JAM2: variants seen among roughly 807,000 people sequenced by gnomAD.
JAM2 encodes junctional adhesion molecule 2.
JAM2 carries 17 observed loss-of-function variants against 42.0 expected under a neutral mutation model. The observed-to-expected ratio is 0.40, with a 90% CI of 0.28 to 0.61. The LOEUF is 0.61. JAM2 is among the 20% of genes least tolerant of loss of function. JAM2 has a pLI of 0.37. For missense variants in JAM2, 319 were observed against 358.3 expected (o/e 0.89, Z 0.89); for synonymous variants, 118 against 128.6 (o/e 0.92, Z 0.56).
chr21:25,702,434 A>C (rs2034186472), intron 6 of JAM2, among the ~76,000 whole-genome samples, 165 bp downstream of exon 6: 1 of 152,242 alleles, frequency 6.6e-6, no homozygotes, highest in Non-Finnish European at 1.5e-5. Context: ...AAAGAAGCAA[A>C]GATGCTGTTT....
chr21:25,712,085 A>G, intron 8 of JAM2: 1 of 411,186 alleles, frequency 2.4e-6, no homozygotes, highest in East Asian at 4.7e-5. Flanking sequence ...TTCCACAAAA[A>G]TCTTTAGTAT....
chr21:25,687,519 T>C (rs920069328), intron 2 of JAM2, among the ~76,000 whole-genome samples: 3 of 152,196 alleles, frequency 2.0e-5, no homozygotes, highest in Non-Finnish European at 4.4e-5. Flanking sequence ...GAGAGTTAGG[T>C]TGTAAGTTCA....
intron 5 of JAM2, among the ~76,000 whole-genome samples, chr21:25,700,412 G>A (rs1284054099): frequency 2.0e-5 from 3 of 152,108 alleles, no homozygotes; most frequent in African/African-American, 7.2e-5. Flanking sequence ...CCCGGCTGGA[G>A]TGCATTGACG....
At chr21:25,649,401 C>G (rs879645276) in intron 1 of JAM2, among the ~76,000 whole-genome samples, 1 of 152,088 alleles carries the variant, frequency 6.6e-6, no homozygotes, top group Non-Finnish European at 1.5e-5. Context: ...CGAGCAAAAG[C>G]GGGGAAAGCC....
At chr21:25,708,496 A>C (rs372237139) in intron 7 of JAM2, among the ~76,000 whole-genome samples, 1 of 152,186 alleles carries the variant, frequency 6.6e-6, no homozygotes, top group East Asian at 1.9e-4. Flanking sequence ...TGAGCGCAGA[A>C]GGTCGAGGCT....
At chr21:25,684,119 C>T (rs1369042144) in intron 2 of JAM2, among the ~76,000 whole-genome samples, 171 bp downstream of exon 2, 1 of 152,208 alleles carries the variant, frequency 6.6e-6, no homozygotes, top group Non-Finnish European at 1.5e-5. Context: ...TACTCCACCT[C>T]CTCAGTGGAA....
chr21:25,648,172 C>T (rs2032666809), intron 1 of JAM2, among the ~76,000 whole-genome samples: 1 of 151,972 alleles, frequency 6.6e-6, no homozygotes, highest in African/African-American at 2.4e-5. Context: ...GATTGTGCCA[C>T]TGCACTCCAG....
At chr21:25,702,545 G>GTC (rs1452082017) in intron 6 of JAM2, among the ~76,000 whole-genome samples, 1 of 152,102 alleles carries the variant, frequency 6.6e-6, no homozygotes, top group East Asian at 1.9e-4. Context: ...CTTCTAAGTA[G>GTC]TCTTTCTCTC....
chr21:25,679,898 A>G (rs2123362221), intron 1 of JAM2, among the ~76,000 whole-genome samples: 1 of 152,314 alleles, frequency 6.6e-6, no homozygotes, highest in African/African-American at 2.4e-5. Context: ...TGTGGGCTTC[A>G]GGTACTGACT....
chr21:25,695,468 C>T (rs1208503759), intron 4 of JAM2, among the ~76,000 whole-genome samples: 1 of 152,244 alleles, frequency 6.6e-6, no homozygotes, highest in Non-Finnish European at 1.5e-5. Context: ...GTCATCATGG[C>T]CCGTTCTCAA....
chr21:25,651,067 A>G (rs1217061208), intron 1 of JAM2, among the ~76,000 whole-genome samples: 4 of 144,036 alleles, frequency 2.8e-5, no homozygotes, highest in African/African-American at 1.1e-4. Flanking sequence ...CCGCCAAAAA[A>G]AAAAAAAAAA....
chr21:25,644,660 G>A (rs1259618581), intron 1 of JAM2, among the ~76,000 whole-genome samples: 1 of 152,216 alleles, frequency 6.6e-6, no homozygotes, highest in African/African-American at 2.4e-5. Flanking sequence ...ACCATGTAAA[G>A]TAAGATATTT....
chr21:25,710,524 G>C (rs1189077383), intron 8 of JAM2, among the ~76,000 whole-genome samples: 5 of 152,172 alleles, frequency 3.3e-5, no homozygotes, highest in African/African-American at 1.2e-4. Context: ...TGATTTTTGA[G>C]AAAGGCCTGA....
intron 2 of JAM2, among the ~76,000 whole-genome samples, chr21:25,688,914 G>A (rs1388077417): frequency 6.6e-6 from 1 of 152,032 alleles, no homozygotes; most frequent in Non-Finnish European, 1.5e-5. Flanking sequence ...ACATGGAATT[G>A]ACATTCTAGA....
chr21:25,692,841 C>A (rs7283477), intron 3 of JAM2, among the ~76,000 whole-genome samples: 32,763 of 152,068 alleles, frequency 0.22, 3,656 homozygotes, highest in African/African-American at 0.26. Context: ...TTTCACATGG[C>A]CTTATGTCTG....
chr21:25,647,646 A>C (rs1051632088), intron 1 of JAM2, among the ~76,000 whole-genome samples: 1 of 152,228 alleles, frequency 6.6e-6, no homozygotes, highest in Admixed American at 6.5e-5. Flanking sequence ...TTAGTAAAAC[A>C]AAGGGAAATA....
intron 1 of JAM2, among the ~76,000 whole-genome samples, chr21:25,648,568 A>G (rs1428730408): frequency 6.6e-6 from 1 of 152,094 alleles, no homozygotes; most frequent in African/African-American, 2.4e-5. Flanking sequence ...TGTTCCTCAT[A>G]TGGCCAAATG....
intron 1 of JAM2, among the ~76,000 whole-genome samples, chr21:25,640,498 T>C (rs2032403167): frequency 6.6e-6 from 1 of 152,352 alleles, no homozygotes; most frequent in Middle Eastern, 3.4e-3. Context: ...TGCTCTGTCC[T>C]CAGGGGACAT....
At chr21:25,665,284 T>A (rs902911774) in intron 1 of JAM2, among the ~76,000 whole-genome samples, 5 of 152,216 alleles carry the variant, frequency 3.3e-5, no homozygotes, top group African/African-American at 1.2e-4. Flanking sequence ...AGGCAAGTGC[T>A]TGATTATGTA....
Sources: allele counts gnomAD v4.1 joint callset (sites outside exome capture counted in the v4.1 genomes callset), GRCh38; gene constraint gnomAD v4.1.1; transcripts MANE v1.5; gene names NCBI Gene and HGNC (gene_info 2026-07-23, HGNC 2026-07-21).